UNC13B: variants seen among roughly 807,000 people sequenced by gnomAD.
The protein encoded by UNC13B is unc-13 homolog B, also known as protein unc-13 homolog B.
A neutral mutation model predicts 211.0 loss-of-function variants in UNC13B; 144 were observed. The ratio of observed to expected loss-of-function variants is 0.68; its 90% CI spans 0.60 to 0.78. UNC13B has a LOEUF of 0.78. Among genes scored for constraint, UNC13B ranks in the 30% least tolerant of loss-of-function variants. The pLI, the probability that UNC13B is intolerant of heterozygous loss-of-function variation, is 0.00. For synonymous variants in UNC13B, 709 were observed against 725.8 expected (o/e 0.98, Z 0.37); for missense variants, 1,777 against 2,002.0 (o/e 0.89, Z 2.14).
chr9:35,280,098 C>A (rs551963699), intron 7 of UNC13B, among the ~76,000 whole-genome samples: 162 of 152,004 alleles, frequency 1.1e-3, no homozygotes, highest in Non-Finnish European at 2.0e-3. Context: ...TTGGGTAATC[C>A]TTTGATTTCA....
At chr9:35,201,350 A>C (rs1823274878) in intron 1 of UNC13B, among the ~76,000 whole-genome samples, 1 of 152,196 alleles carries the variant, frequency 6.6e-6, no homozygotes, top group South Asian at 2.1e-4. Flanking sequence ...CTGGCCTCAT[A>C]AAATGAGTTA....
At chr9:35,252,488 A>T (rs1826557725) in intron 6 of UNC13B, among the ~76,000 whole-genome samples, 2 of 150,888 alleles carry the variant, frequency 1.3e-5, no homozygotes, top group African/African-American at 4.9e-5. Context: ...TATTTTTTTT[A>T]TAGTGACAGG....
At position 35,303,372 on chromosome 9, in the gene UNC13B, A is replaced by G. The variant is rs990999043; in HGVS notation, c.3968A>G (p.Glu1323Gly). ...PNHVLEAKLH[E>G]NSNKLNSPVL... is the part of the protein sequence containing the mutation. ...CATGTTCTTGAGGCAAAACTACATG[A>G]AAATTCAAACAAGTTAAATTCACCT... The change falls in exon 9 of 40, where the codon GAA becomes GGA. Residue 1323 changes from glutamate (E) to glycine (G), a missense_variant. Transcript: ENST00000635942. The G allele has an allele frequency of 2.5e-6, 1 of 398,744 alleles. No individual in the cohort carries two copies. The allele number at this position is 398,744 out of a possible 1,614,324, so 24.7% of individuals were successfully genotyped here.
intron 6 of UNC13B, among the ~76,000 whole-genome samples, chr9:35,257,099 T>A (rs905970804): frequency 9.9e-5 from 15 of 151,786 alleles, no homozygotes; most frequent in Non-Finnish European, 1.5e-5. Flanking sequence ...TCATAATTAT[T>A]TGTAGTGGCT....
chr9:35,185,997 C>G (rs907315092), intron 1 of UNC13B, among the ~76,000 whole-genome samples: 13 of 151,638 alleles, frequency 8.6e-5, no homozygotes, highest in African/African-American at 3.1e-4. Flanking sequence ...TGGACCTCCC[C>G]CCTTGGCCAA....
chr9:35,238,346 T>C (rs1029336742), intron 5 of UNC13B, among the ~76,000 whole-genome samples: 1 of 152,206 alleles, frequency 6.6e-6, no homozygotes, highest in African/African-American at 2.4e-5. Context: ...GAAACCACTG[T>C]TAACATTCTT....
At chr9:35,351,688 T>G in intron 11 of UNC13B, 1 of 1,232,278 alleles carries the variant, frequency 8.1e-7, no homozygotes, top group Non-Finnish European at 1.0e-6. Flanking sequence ...CCCTGCCCCC[T>G]TGCTGTGGGT....
rs76877044 is a variant in UNC13B, at chr9:35,266,990, G to C, written c.526+7940G>C. On this transcript the variant is annotated intron_variant, in intron 7 of 39. Coordinates refer to ENST00000635942, the MANE Select transcript of UNC13B (RefSeq NM_001371189.2). ...TGGACAAATATTATGAGAGGGAGCA[G>C]AGTTTCACCTGAATCTCCCAATTTC... Among the ~76,000 whole-genome samples the C allele has an allele frequency of 8.3e-3, 1,271 of 152,298 alleles. 12 individuals are homozygous for C. The highest frequency in any genetic ancestry group is 0.029 in the African/African-American group (1,203 of 41,570).
chr9:35,303,499 G>C lies in UNC13B; in HGVS notation c.4095G>C (p.Leu1365Phe), dbSNP rs545556536. ...CFEWDSDIKD[L>F]SKNSRKLQPV... Reference sequence around the variant, plus strand: ...AATGGGACTCTGACATAAAAGATTTGTCTAAAAATTCCAGAAAACTTCAGC... The same window carrying C: ...AATGGGACTCTGACATAAAAGATTTCTCTAAAAATTCCAGAAAACTTCAGC... The change falls in exon 9 of 40, where the codon TTG becomes TTC. Residue 1365 changes from leucine (L) to phenylalanine (F), a missense_variant. Coordinates refer to ENST00000635942, the MANE Select transcript of UNC13B (RefSeq NM_001371189.2). The C allele has an allele frequency of 5.0e-6, 2 of 398,726 alleles. No individual in the cohort carries two copies. The highest frequency in any genetic ancestry group is 2.1e-5 in the African/African-American group (1 of 48,732). The allele number at this position is 398,726 out of a possible 1,614,324, so 24.7% of individuals were successfully genotyped here.
At chr9:35,223,413 T>A (rs2131467388) in intron 1 of UNC13B, among the ~76,000 whole-genome samples, 1 of 152,336 alleles carries the variant, frequency 6.6e-6, no homozygotes, top group East Asian at 1.9e-4. Context: ...GATAGCTCAC[T>A]GTGGTTTTGA....
chr9:35,322,595 C>T (rs1830793840), intron 11 of UNC13B, among the ~76,000 whole-genome samples: 1 of 152,148 alleles, frequency 6.6e-6, no homozygotes, highest in African/African-American at 2.4e-5. Context: ...ATCATTAAGA[C>T]AGAGAACGAA....
At chr9:35,184,579 A>T (rs749410071) in intron 1 of UNC13B, among the ~76,000 whole-genome samples, 1 of 152,138 alleles carries the variant, frequency 6.6e-6, no homozygotes. Flanking sequence ...GTGGCAGCGC[A>T]CGCCTGCAAT....
intron 13 of UNC13B, among the ~76,000 whole-genome samples, chr9:35,374,732 G>A (rs562167098): frequency 6.6e-6 from 1 of 152,334 alleles, no homozygotes; most frequent in East Asian, 1.9e-4. Context: ...GCTCTTGAAT[G>A]TGACTCTGAC....
chr9:35,318,741 C>T (rs1444144925), intron 11 of UNC13B, among the ~76,000 whole-genome samples: 1 of 152,138 alleles, frequency 6.6e-6, no homozygotes, highest in Non-Finnish European at 1.5e-5. Flanking sequence ...AATGAATAAC[C>T]TTGTACATAT....
intron 7 of UNC13B, among the ~76,000 whole-genome samples, chr9:35,278,473 A>C (rs963843606): frequency 1.3e-5 from 2 of 152,108 alleles, no homozygotes; most frequent in African/African-American, 4.8e-5. Context: ...GGATTGCATG[A>C]CCAGCTGGCC....
At chr9:35,262,218 G>T (rs1403272027) in intron 7 of UNC13B, among the ~76,000 whole-genome samples, 2 of 151,156 alleles carry the variant, frequency 1.3e-5, no homozygotes. Flanking sequence ...TCTTTTCTTT[G>T]TTCTTTTCTT....
rs182621622 is a variant in UNC13B at position 35,314,745 on chromosome 9, C to T, written c.9414+756C>T. Among the ~76,000 whole-genome samples the T allele has an allele frequency of 2.1e-3, 318 of 151,932 alleles. 1 individual carries two copies. Among genetic ancestry groups the T allele is most frequent in the South Asian group, 4.0e-3 (19 of 4,808 alleles). ...TATTATTCCACACTCTAAATCCATGCGTACACATTATTTAGCTCCCACTTA... is the reference window on the plus strand; with the variant it reads ...TATTATTCCACACTCTAAATCCATGTGTACACATTATTTAGCTCCCACTTA... On this transcript the variant is annotated intron_variant, in intron 11 of 39. Transcript: ENST00000635942.
At chr9:35,165,901 T>A (rs1316549619) in intron 1 of UNC13B, among the ~76,000 whole-genome samples, 1 of 152,098 alleles carries the variant, frequency 6.6e-6, no homozygotes, top group Non-Finnish European at 1.5e-5. Flanking sequence ...GTAAACTAAA[T>A]TAAGGATTTT....
intron 11 of UNC13B, among the ~76,000 whole-genome samples, chr9:35,340,542 G>T (rs575662651): frequency 2.3e-3 from 355 of 152,324 alleles, no homozygotes; most frequent in Middle Eastern, 6.8e-3. Context: ...TACCTGGTTT[G>T]TGGGCTAAAG....
Sources: gnomAD v4.1 joint callset for allele counts (sites outside exome capture counted in the v4.1 genomes callset) on GRCh38, gnomAD v4.1.1 for gene constraint, MANE v1.5 for transcripts, NCBI Gene and HGNC (gene_info 2026-07-23, HGNC 2026-07-21) for gene names.